LHFPL3: variants seen among roughly 807,000 people sequenced by gnomAD.
LHFPL3 encodes LHFPL tetraspan subfamily member 3 protein.
A neutral mutation model predicts 19.3 loss-of-function variants in LHFPL3; 5 were observed. The observed-to-expected ratio is 0.26, with a 90% CI of 0.14 to 0.54. The LOEUF is 0.54. Among genes scored for constraint, LHFPL3 ranks in the 20% least tolerant of loss-of-function variants. The pLI, the probability that LHFPL3 is intolerant of heterozygous loss-of-function variation, is 0.94. For synonymous variants in LHFPL3, 133 were observed against 126.2 expected (o/e 1.05, Z -0.36); for missense variants, 249 against 307.4 (o/e 0.81, Z 1.42).
intron 1 of LHFPL3, among the ~76,000 whole-genome samples, chr7:104,673,541 G>C (rs1157216488): frequency 6.6e-6 from 1 of 152,198 alleles, no homozygotes; most frequent in African/African-American, 2.4e-5. Flanking sequence ...CTCAAATGGA[G>C]CCAAATGTGA....
At chr7:104,481,656 C>T (rs1302376009) in intron 1 of LHFPL3, among the ~76,000 whole-genome samples, 1 of 152,046 alleles carries the variant, frequency 6.6e-6, no homozygotes, top group African/African-American at 2.4e-5. Flanking sequence ...TAACACATAA[C>T]AGTGCTTAAT....
chr7:104,701,132 G>C (rs535410908), intron 1 of LHFPL3, among the ~76,000 whole-genome samples: 3 of 152,258 alleles, frequency 2.0e-5, no homozygotes, highest in Admixed American at 6.5e-5. Context: ...TAAAATTCGG[G>C]AATGAAAATC....
chr7:104,459,060 C>T (rs975606384), intron 1 of LHFPL3, among the ~76,000 whole-genome samples: 1 of 152,246 alleles, frequency 6.6e-6, no homozygotes, highest in African/African-American at 2.4e-5. Flanking sequence ...AGCATAGCAC[C>T]AGGACCTCTG....
intron 1 of LHFPL3, among the ~76,000 whole-genome samples, chr7:104,333,105 G>A (rs1308068276): frequency 6.6e-6 from 1 of 152,064 alleles, no homozygotes; most frequent in Non-Finnish European, 1.5e-5. Flanking sequence ...CTGCTTCTAT[G>A]TTCTTGTTCT....
chr7:104,719,780 G>A (rs1793453388), intron 1 of LHFPL3, among the ~76,000 whole-genome samples: 1 of 152,104 alleles, frequency 6.6e-6, no homozygotes, highest in Admixed American at 6.6e-5. Context: ...TTCATATGTA[G>A]AGGATAATAA....
At chr7:104,753,625 T>C (rs1282138545) in intron 2 of LHFPL3, among the ~76,000 whole-genome samples, 2 of 152,018 alleles carry the variant, frequency 1.3e-5, no homozygotes, top group East Asian at 3.9e-4. Flanking sequence ...AAAGACCAGA[T>C]GATAGATTGG....
chr7:104,601,700 A>G (rs548483170), intron 1 of LHFPL3, among the ~76,000 whole-genome samples: 1 of 152,102 alleles, frequency 6.6e-6, no homozygotes, highest in East Asian at 1.9e-4. Flanking sequence ...ATACAAAGAC[A>G]CCAACCACAA....
intron 1 of LHFPL3, among the ~76,000 whole-genome samples, chr7:104,721,861 T>C (rs1054000334): frequency 1.8e-4 from 27 of 152,220 alleles, no homozygotes; most frequent in African/African-American, 6.3e-4. Context: ...GCCCCATACA[T>C]GGTAAATGTT....
At chr7:104,412,167 T>C (rs1791545496) in intron 1 of LHFPL3, among the ~76,000 whole-genome samples, 1 of 152,110 alleles carries the variant, frequency 6.6e-6, no homozygotes, top group African/African-American at 2.4e-5. Flanking sequence ...TTAGTATACT[T>C]TTAAGTGCTG....
chr7:104,613,126 A>G (rs1016238037), intron 1 of LHFPL3, among the ~76,000 whole-genome samples: 3 of 152,200 alleles, frequency 2.0e-5, no homozygotes, highest in Non-Finnish European at 4.4e-5. Context: ...GGATGTTCAT[A>G]CCTTTTTTCA....
chr7:104,669,429 T>C, intron 1 of LHFPL3: 1 of 1,613,418 alleles, frequency 6.2e-7, no homozygotes, highest in East Asian at 2.2e-5. Flanking sequence ...ATAGGAAAGA[T>C]GGCAAAAAGG....
chr7:104,666,073 G>A (rs899895549), intron 1 of LHFPL3, among the ~76,000 whole-genome samples: 2 of 151,976 alleles, frequency 1.3e-5, no homozygotes, highest in East Asian at 1.9e-4. Context: ...ACATTTGTAC[G>A]GGATACATGT....
intron 1 of LHFPL3, among the ~76,000 whole-genome samples, chr7:104,553,928 G>A (rs1794709019): frequency 6.6e-6 from 1 of 152,156 alleles, no homozygotes; most frequent in Non-Finnish European, 1.5e-5. Flanking sequence ...TGTGAAGTCA[G>A]AGTCATTCTG....
chr7:104,891,701 T>C (rs753936402), intron 2 of LHFPL3, among the ~76,000 whole-genome samples: 1 of 152,250 alleles, frequency 6.6e-6, no homozygotes, highest in Non-Finnish European at 1.5e-5. Context: ...AAATCTGTTC[T>C]ATCTGTGGAA....
chr7:104,535,904 G>A (rs1052151746), intron 1 of LHFPL3, among the ~76,000 whole-genome samples: 6 of 152,180 alleles, frequency 3.9e-5, no homozygotes, highest in Admixed American at 1.3e-4. Flanking sequence ...GAGTGGGAGC[G>A]AGTGCCATCG....
chr7:104,377,695 A>G (rs887745925), intron 1 of LHFPL3, among the ~76,000 whole-genome samples: 2 of 152,196 alleles, frequency 1.3e-5, no homozygotes, highest in African/African-American at 4.8e-5. Flanking sequence ...TTGGCAAAAC[A>G]GTGACTGCTT....
chr7:104,767,355 T>C (rs1794472580), intron 2 of LHFPL3, among the ~76,000 whole-genome samples: 1 of 152,174 alleles, frequency 6.6e-6, no homozygotes, highest in Non-Finnish European at 1.5e-5. Context: ...CTCTGGCAGA[T>C]TGCTTCTGTC....
chr7:104,675,127 G>T lies in LHFPL3; in HGVS notation c.446-61548G>T, dbSNP rs188360182. 2.0e-3 allele frequency among the ~76,000 whole-genome samples: 307 copies of T among 152,344 alleles called. 1 individual carries two copies. Among genetic ancestry groups the T allele is most frequent in the African/African-American group, 7.1e-3 (297 of 41,580 alleles). On this transcript the variant is annotated intron_variant, in intron 1 of 2. Coordinates refer to ENST00000424859, the MANE Select transcript of LHFPL3 (RefSeq NM_199000.3). Reference sequence around the variant, plus strand: ...GGAGAAAAATAAAGCAGAGTGGGAAGGAATCTCCATGGTGGGAGGCAGTAT... The same window carrying T: ...GGAGAAAAATAAAGCAGAGTGGGAATGAATCTCCATGGTGGGAGGCAGTAT...
At chr7:104,588,596 G>C (rs1790636030) in intron 1 of LHFPL3, among the ~76,000 whole-genome samples, 1 of 152,130 alleles carries the variant, frequency 6.6e-6, no homozygotes, top group African/African-American at 2.4e-5. Flanking sequence ...ACTTGGCAAT[G>C]CAGGCTCTTT....
Sources: gnomAD v4.1 joint callset for allele counts (sites outside exome capture counted in the v4.1 genomes callset) on GRCh38, gnomAD v4.1.1 for gene constraint, MANE v1.5 for transcripts, NCBI Gene and HGNC (gene_info 2026-07-23, HGNC 2026-07-21) for gene names.